Variants in ABCA13 observed in about 807,000 individuals in gnomAD.
ABCA13 encodes the protein ATP-binding cassette sub-family A member 13.
A neutral mutation model predicts 478.7 loss-of-function variants in ABCA13; 476 were observed. The observed-to-expected ratio is 0.99, with a 90% CI of 0.92 to 1.07. The LOEUF (loss-of-function observed/expected upper bound fraction) is 1.07, where lower values mean the gene tolerates loss of function less well. Among genes scored for constraint, ABCA13 ranks in the 50% least tolerant of loss-of-function variants. The probability of loss-of-function intolerance (pLI) is 0.00; values close to 1 mark genes in which losing one functional copy is unlikely to be tolerated. For missense variants in ABCA13, 6,060 were observed against 5,910.6 expected (o/e 1.03, Z -0.83); for synonymous variants, 2,252 against 2,158.9 (o/e 1.04, Z -1.20).
At position 48,483,128 on chromosome 7, in the gene ABCA13, A is replaced by C; in HGVS notation, c.13147A>C (p.Asn4383His). The change falls in exon 47 of 62, where the codon AAT (asparagine) becomes CAT (histidine). Residue 4383 changes from asparagine to histidine, a missense_variant. This residue lies in a region of ABCA13 where 1,627 missense variants were observed against 1,571.0 expected (regional missense o/e 1.04). Coordinates refer to ENST00000435803, the MANE Select transcript of ABCA13 (RefSeq NM_152701.5). ...LKIPSEAGGA[N>H]GNISKPPTLA... is the part of the protein sequence containing the mutation. ...AATCCCCAGTGAAGCTGGAGGTGCA[A>C]ATGGAAACATATCAAAACCCCCAAC... 1 of 1,613,378 alleles carries C rather than the reference A, an allele frequency of 6.2e-7. No homozygotes were observed. Among genetic ancestry groups the C allele is most frequent in the Non-Finnish European group, 8.5e-7 (1 of 1,179,658 alleles).
intron 58 of ABCA13, among the ~76,000 whole-genome samples, chr7:48,610,937 G>T (rs184230559): frequency 2.0e-5 from 3 of 152,160 alleles, no homozygotes; most frequent in Non-Finnish European, 4.4e-5. Flanking sequence ...TGATGCGAGG[G>T]GGGCTGCCTA....
intron 15 of ABCA13, among the ~76,000 whole-genome samples, chr7:48,250,463 C>A (rs1447119730): frequency 1.3e-5 from 2 of 152,182 alleles, no homozygotes; most frequent in Non-Finnish European, 2.9e-5. Flanking sequence ...CAATCAGCCC[C>A]CATTCTGGGG....
In ABCA13 at chr7:48,232,139, ATTTTTTT is replaced by A. The variant is rs71006559; in HGVS notation, c.764-1860_764-1854del. Among the ~76,000 whole-genome samples the A allele has an allele frequency of 1.9e-3, 96 of 51,314 alleles. 2 individuals are homozygous for A. Among genetic ancestry groups the A allele is most frequent in the African/African-American group, 4.3e-3 (54 of 12,568 alleles). 33.7% of individuals were successfully genotyped at this position (51,314 alleles called of 152,430 possible). ...CTCAGCACAGTGAGACCCACATGGA[ATTTTTTT>A]TTTTTTTTTTTTTTTTTTAGCTTTC... On this transcript the variant is annotated intron_variant, in intron 7 of 61. Transcript: ENST00000435803.
chr7:48,297,403 A>AT, intron 22 of ABCA13, 92 bp downstream of exon 22: 1 of 1,232,084 alleles, frequency 8.1e-7, no homozygotes, highest in Admixed American at 2.1e-5. Context: ...ACAACAGAAA[A>AT]TTTATGCTAT....
chr7:48,201,046 C>G (rs1402648235), intron 3 of ABCA13, among the ~76,000 whole-genome samples: 1 of 152,146 alleles, frequency 6.6e-6, no homozygotes, highest in Non-Finnish European at 1.5e-5. Flanking sequence ...GCTCGCTCAC[C>G]GCGCAGAGCT....
chr7:48,386,570 AG>A (rs1472183148), intron 35 of ABCA13, among the ~76,000 whole-genome samples: 1 of 152,218 alleles, frequency 6.6e-6, no homozygotes, highest in Admixed American at 6.5e-5. Flanking sequence ...TAGAGAACCC[AG>A]AAATAAGAAT....
At chr7:48,283,049 C>T (rs1442675173) in intron 19 of ABCA13, among the ~76,000 whole-genome samples, 1 of 152,178 alleles carries the variant, frequency 6.6e-6, no homozygotes, top group East Asian at 1.9e-4. Context: ...AGTGGGTGGG[C>T]TGTTGGCATG....
intron 41 of ABCA13, among the ~76,000 whole-genome samples, chr7:48,422,055 C>CAAAAAAAAAAAAAAAAAAAAAAA (rs4022355): frequency 2.5e-5 from 2 of 80,564 alleles, no homozygotes; most frequent in Non-Finnish European, 4.8e-5. Context: ...GTCTTTCTTA[C>CAAAAAAAAAAAAAAAAAAAAAAA]AAAAAAAAAA....
In ABCA13 at chr7:48,278,947, GA is replaced by G; in HGVS notation, c.7757del (p.Lys2586ArgfsTer2). The G allele has an allele frequency of 6.2e-7, 1 of 1,613,428 alleles. No individual in the cohort carries two copies. The highest frequency in any genetic ancestry group is 8.5e-7 in the Non-Finnish European group (1 of 1,179,842). ...AAAAAAAATAGATCATTTCACATTT[GA>G]AAAGATAAATGATTTGTTGGTGCCA... ...TLKKIDHFTF[E>X]KINDLLVPFL... On this transcript the variant is annotated frameshift_variant, in exon 18 of 62. Transcript: ENST00000435803. LOFTEE classifies it high-confidence loss of function.
At chr7:48,632,021 A>G (rs982774227) in intron 59 of ABCA13, among the ~76,000 whole-genome samples, 3 of 152,160 alleles carry the variant, frequency 2.0e-5, no homozygotes, top group African/African-American at 7.2e-5. Flanking sequence ...GATTTTGTAA[A>G]CTGAGACTTT....
chr7:48,359,498 A>G (rs1168078297), intron 31 of ABCA13, among the ~76,000 whole-genome samples: 1 of 151,790 alleles, frequency 6.6e-6, no homozygotes, highest in Non-Finnish European at 1.5e-5. Context: ...GAAAGGGAGG[A>G]TAAAGGGAGA....
intron 29 of ABCA13, among the ~76,000 whole-genome samples, chr7:48,338,660 T>A (rs1007139437): frequency 2.0e-5 from 3 of 152,222 alleles, no homozygotes; most frequent in African/African-American, 7.2e-5. Context: ...GTTTTTTCGA[T>A]TCACTGATTC....
At chr7:48,507,007 G>A (rs574154168) in intron 49 of ABCA13, among the ~76,000 whole-genome samples, 6 of 152,274 alleles carry the variant, frequency 3.9e-5, no homozygotes, top group South Asian at 2.1e-4. Flanking sequence ...AAATTAAGTC[G>A]CAGAATGCAA....
chr7:48,619,249 C>A (rs1166787680), intron 59 of ABCA13, among the ~76,000 whole-genome samples: 3 of 152,050 alleles, frequency 2.0e-5, no homozygotes, highest in African/African-American at 7.3e-5. Context: ...AAGCAAGTTC[C>A]TTGGACCCCT....
chr7:48,349,529 C>T (rs1025784771), intron 29 of ABCA13, among the ~76,000 whole-genome samples: 5 of 152,168 alleles, frequency 3.3e-5, no homozygotes, highest in African/African-American at 1.2e-4. Flanking sequence ...GTTTCTTATT[C>T]AGGGCTGGCC....
intron 1 of ABCA13, 57 bp downstream of exon 1, chr7:48,171,609 G>C (rs1219526976): frequency 1.3e-6 from 2 of 1,522,414 alleles, no homozygotes; most frequent in Non-Finnish European, 1.8e-6. Flanking sequence ...GCAAGATCAG[G>C]GTCTATTCTT....
At position 48,594,807 on chromosome 7, in the gene ABCA13, C is replaced by T; in HGVS notation, c.14738C>T (p.Ser4913Phe). The T allele has an allele frequency of 2.5e-6, 4 of 1,613,524 alleles. No homozygotes were observed. The highest frequency in any genetic ancestry group is 2.7e-5 in the African/African-American group (2 of 75,036). ...GAAGGCTGTGCTGCGGTGCTGACCTCCCACAGGTGAGTTCCAGTTTCTCTT... is the reference window on the plus strand; with the variant it reads ...GAAGGCTGTGCTGCGGTGCTGACCTTCCACAGGTGAGTTCCAGTTTCTCTT... ...VREGCAAVLT[S>F]HSMEECEALC... The change falls in exon 58 of 62, where the codon TCC becomes TTC. Residue 4913 changes from serine (S) to phenylalanine (F), a missense_variant. Physicochemically the swap from Ser to Phe is radical, Grantham distance 155 (BLOSUM62 -2). This residue lies in a region of ABCA13 where 1,627 missense variants were observed against 1,571.0 expected (regional missense o/e 1.04). Transcript: ENST00000435803.
chr7:48,259,773 C>T (rs1049526385), intron 15 of ABCA13, among the ~76,000 whole-genome samples: 1 of 151,794 alleles, frequency 6.6e-6, no homozygotes, highest in Admixed American at 6.6e-5. Flanking sequence ...TTTAGCACTC[C>T]CTTAAGTATT....
At chr7:48,505,450 A>G (rs569869477) in intron 48 of ABCA13, among the ~76,000 whole-genome samples, 1 of 152,324 alleles carries the variant, frequency 6.6e-6, no homozygotes, top group Non-Finnish European at 1.5e-5. Context: ...AATACAGGTG[A>G]TAGTATAAAT....
Sources: gnomAD v4.1 joint callset for allele counts (sites outside exome capture counted in the v4.1 genomes callset) on GRCh38, gnomAD v4.1.1 for gene constraint, gnomAD v4.1.1 regional missense constraint, MANE v1.5 for transcripts, NCBI Gene and HGNC (gene_info 2026-07-23, HGNC 2026-07-21) for gene names.